Variants in CHRDL1 observed in about 807,000 individuals in gnomAD.
CHRDL1 encodes chordin-like protein 1.
CHRDL1 carries 19 observed loss-of-function variants against 40.9 expected under a neutral mutation model. That is an observed-to-expected ratio of 0.46 (90% CI 0.32 to 0.68). CHRDL1 has a LOEUF of 0.68. Ranked by LOEUF, CHRDL1 falls within the 30% of genes least tolerant of loss-of-function variation. CHRDL1 has a pLI of 0.03. For synonymous variants in CHRDL1, 136 were observed against 123.4 expected (o/e 1.10, Z -0.68); for missense variants, 329 against 352.1 (o/e 0.93, Z 0.53).
At chrX:110,727,861 A>G (rs912811152) in intron 4 of CHRDL1, among the ~76,000 whole-genome samples, 7 of 112,112 alleles carry the variant, frequency 6.2e-5, no homozygotes, top group African/African-American at 1.9e-4. Flanking sequence ...ATACTTGCAC[A>G]TGTGTGAAAC....
intron 4 of CHRDL1, among the ~76,000 whole-genome samples, chrX:110,739,639 T>C (rs929030197): frequency 3.6e-5 from 4 of 112,174 alleles, no homozygotes; most frequent in South Asian, 3.8e-4. Context: ...TCATTGTCTT[T>C]AGTCACTAAG....
chrX:110,736,531 A>G (rs2071266316), intron 4 of CHRDL1, among the ~76,000 whole-genome samples: 1 of 111,975 alleles, frequency 8.9e-6, no homozygotes, highest in African/African-American at 3.2e-5. Flanking sequence ...AAGGTATATT[A>G]TCATCTTTGG....
chrX:110,735,663 A>G (rs188255533), intron 4 of CHRDL1, among the ~76,000 whole-genome samples: 1 of 112,287 alleles, frequency 8.9e-6, no homozygotes, highest in Admixed American at 9.4e-5. Flanking sequence ...GAAATACTGT[A>G]TAGTGCTAAT....
rs1569461438 is a variant in CHRDL1 at position 110,689,432 on chromosome X, CTATATATCTATATATATCTATATATCTA to C, written c.779-657_779-630del. 7.5e-4 allele frequency among the ~76,000 whole-genome samples: 54 copies of C among 72,197 alleles called. 1 individual carries two copies. In the East Asian group the frequency reaches 0.013, roughly 17 times the overall value. 62.7% of individuals were successfully genotyped at this position (72,197 alleles called of 115,157 possible). A position where few individuals can be genotyped will look rare whatever the true frequency, so the allele number is the denominator to read the frequency against. ...TATATATCTATATATATCTATATAT[CTATATATCTATATATATCTATATATCTA>C]TATATATCTATATATCTATATATCT... On this transcript the variant is annotated intron_variant, in intron 8 of 11. Coordinates refer to ENST00000372042, the MANE Select transcript of CHRDL1 (RefSeq NM_001143981.2).
In CHRDL1 at chrX:110,674,221, CA is replaced by C. The variant is rs769945270; in HGVS notation, c.*2009del. The C allele has an allele frequency of 2.7e-5, 3 of 111,387 alleles. No homozygotes were observed. Among genetic ancestry groups the C allele is most frequent in the African/African-American group, 9.8e-5 (3 of 30,659 alleles). 9.2% of individuals were successfully genotyped at this position (111,387 alleles called of 1,213,427 possible). On this transcript the variant is annotated 3_prime_UTR_variant, in exon 12 of 12. Transcript: ENST00000372042. ...GCTCCCCAGCTCCTGCTTCCCACAGCATTTTGCAAAGGTGTGTCCCAGCACC... is the reference window on the plus strand; with the variant it reads ...GCTCCCCAGCTCCTGCTTCCCACAGCTTTTGCAAAGGTGTGTCCCAGCACC...
intron 2 of CHRDL1, among the ~76,000 whole-genome samples, chrX:110,785,288 AT>A (rs1270683787): frequency 8.9e-6 from 1 of 111,774 alleles, no homozygotes; most frequent in Non-Finnish European, 1.9e-5. Flanking sequence ...CCAATTGTGA[AT>A]TGATCTTAAG....
chrX:110,777,682 T>C (rs913620933), intron 2 of CHRDL1, among the ~76,000 whole-genome samples: 26 of 111,878 alleles, frequency 2.3e-4, no homozygotes, highest in Middle Eastern at 4.6e-3. Flanking sequence ...AGGTCTTTGG[T>C]CCATTTTTAA....
rs2069768766 is a variant in CHRDL1 at position 110,675,971 on chromosome X, A to G, written c.*260T>C. 8.2e-6 allele frequency: 2 copies of G among 244,360 alleles called. No individual in the cohort carries two copies. The highest frequency in any genetic ancestry group is 7.3e-6 in the Non-Finnish European group (1 of 137,029). The allele number at this position is 244,360 out of a possible 1,213,427, so 20.1% of individuals were successfully genotyped here. A position where few individuals can be genotyped will look rare whatever the true frequency, so the allele number is the denominator to read the frequency against. ...CTGTAAAGAAATGTGATTCTCCAAG[A>G]AACTAGAGCAGTGTTGTGATGTTCT... On this transcript the variant is annotated 3_prime_UTR_variant, in exon 12 of 12. Transcript: ENST00000372042.
At position 110,704,656 on chromosome X, in the gene CHRDL1, C is replaced by G. The variant is rs181966964; in HGVS notation, c.542-3935G>C. Among the ~76,000 whole-genome samples, 8 of 111,524 alleles carry G rather than the reference C, an allele frequency of 7.2e-5. No homozygotes were observed. In the East Asian group the frequency reaches 2.2e-3, roughly 31 times the overall value. ...ATCTGACAACTCTTGGGTTGCAAAT[C>G]TGGAGAGCTGGGGACAGTGATTGAG... On this transcript the variant is annotated intron_variant, in intron 6 of 11. Coordinates refer to ENST00000372042, the MANE Select transcript of CHRDL1 (RefSeq NM_001143981.2).
chrX:110,733,676 G>A (rs1477291401), intron 4 of CHRDL1, among the ~76,000 whole-genome samples: 1 of 111,145 alleles, frequency 9.0e-6, no homozygotes, highest in Non-Finnish European at 1.9e-5. Context: ...GGGAGGCTGA[G>A]GTGGGTGGAT....
At chrX:110,714,230 T>C (rs1460708290) in intron 6 of CHRDL1, among the ~76,000 whole-genome samples, 1 of 110,402 alleles carries the variant, frequency 9.1e-6, no homozygotes, top group Non-Finnish European at 1.9e-5. Context: ...GTTCTCATCA[T>C]TTAGCTCCCA....
chrX:110,689,807 CTA>C (rs1299860934), intron 8 of CHRDL1, among the ~76,000 whole-genome samples: 10 of 36,389 alleles, frequency 2.7e-4, no homozygotes, highest in South Asian at 8.4e-4. Context: ...ATCTATATAT[CTA>C]TATATATCTA....
chrX:110,746,318 A>C (rs2089252151), intron 4 of CHRDL1, among the ~76,000 whole-genome samples: 2 of 111,136 alleles, frequency 1.8e-5, no homozygotes, highest in Non-Finnish European at 3.8e-5. Context: ...CCTAATCAAC[A>C]CATAATGGTG....
chrX:110,782,341 T>C (rs147370242), intron 2 of CHRDL1, among the ~76,000 whole-genome samples: 2,745 of 111,869 alleles, frequency 0.025, 80 homozygotes, highest in African/African-American at 0.084. Flanking sequence ...CAAGTTGACA[T>C]GACTAATCAA....
At chrX:110,781,335 A>C (rs1051176996) in intron 2 of CHRDL1, among the ~76,000 whole-genome samples, 1 of 111,704 alleles carries the variant, frequency 9.0e-6, no homozygotes, top group Non-Finnish European at 1.9e-5. Flanking sequence ...TTCAAATGGC[A>C]TTACTAGGTT....
chrX:110,715,135 G>A (rs747697791), intron 6 of CHRDL1, among the ~76,000 whole-genome samples: 1 of 111,510 alleles, frequency 9.0e-6, no homozygotes, highest in Admixed American at 9.6e-5. Flanking sequence ...GAATTATCAA[G>A]TATATAAAGG....
At chrX:110,791,199 C>T (rs1420592797) in intron 2 of CHRDL1, among the ~76,000 whole-genome samples, 1 of 111,457 alleles carries the variant, frequency 9.0e-6, no homozygotes, top group African/African-American at 3.3e-5. Flanking sequence ...TTCAGTGAAG[C>T]AGAGAATGCC....
intron 1 of CHRDL1, among the ~76,000 whole-genome samples, chrX:110,792,569 A>G (rs892081702): frequency 8.9e-6 from 1 of 112,269 alleles, no homozygotes; most frequent in African/African-American, 3.2e-5. Context: ...AGCTTGCAAA[A>G]ACGGTTATTT....
rs182942202 is a variant in CHRDL1, at chrX:110,766,281, C to T, written c.95-3474G>A. ...ACAAATAGACAATCTAAGGTCACAC[C>T]TCAAGGAACTAGAGAAACAAGAACA... On this transcript the variant is annotated intron_variant, in intron 2 of 11. Transcript: ENST00000372042. 9.4e-3 allele frequency among the ~76,000 whole-genome samples: 1,036 copies of T among 110,214 alleles called. 6 individuals are homozygous for T. The highest frequency in any genetic ancestry group is 0.014 in the Middle Eastern group (3 of 216).
Sources: allele counts gnomAD v4.1 joint callset (sites outside exome capture counted in the v4.1 genomes callset), GRCh38; gene constraint gnomAD v4.1.1; transcripts MANE v1.5; gene names NCBI Gene and HGNC (gene_info 2026-07-23, HGNC 2026-07-21).